The following DMD variants were observed in gnomAD, a reference collection of about 807,000 sequenced individuals.
DMD encodes the protein mutant dystrophin.
In DMD, 63 loss-of-function variants were observed where a neutral mutation model predicts 330.1. That is an observed-to-expected ratio of 0.19 (90% CI 0.16 to 0.24). DMD has a LOEUF of 0.24. Ranked by LOEUF, DMD falls within the 10% of genes least tolerant of loss-of-function variation. DMD has a pLI of 1.00. For missense variants in DMD, 3,344 were observed against 2,684.1 expected (o/e 1.25, Z -5.43); for synonymous variants, 1,223 against 959.8 (o/e 1.27, Z -5.07).
rs556461770 is a variant in DMD, at chrX:32,588,164, C to A, written c.1602+7593G>T. Among the ~76,000 whole-genome samples the A allele has an allele frequency of 8.9e-5, 10 of 112,188 alleles. No individual in the cohort carries two copies. In the South Asian group the frequency reaches 2.9e-3, roughly 33 times the overall value. On this transcript the variant is annotated intron_variant, in intron 13 of 78. Coordinates refer to ENST00000357033, the MANE Select transcript of DMD (RefSeq NM_004006.3). The stretch of plus-strand genomic sequence containing the variant: ...TACTGATTACTTGTATCTGACAATG[C>A]AGGCAAGAATGTGTAAGACACATCT...
intron 55 of DMD, among the ~76,000 whole-genome samples, chrX:31,583,822 T>C (rs1202487052): frequency 2.8e-5 from 3 of 108,413 alleles, no homozygotes; most frequent in African/African-American, 1.0e-4. Context: ...GTTAGTTACA[T>C]ATGTATACAT....
intron 57 of DMD, among the ~76,000 whole-genome samples, chrX:31,487,848 G>C (rs1169540619): frequency 2.7e-5 from 3 of 111,145 alleles, no homozygotes; most frequent in Non-Finnish European, 5.7e-5. Context: ...GAATAAATTT[G>C]ATGTAAAATT....
At chrX:33,239,572 A>T (rs113562174) in intron 1 of DMD, among the ~76,000 whole-genome samples, 1,354 of 112,040 alleles carry the variant, frequency 0.012, 25 homozygotes, top group African/African-American at 0.041. Context: ...CTAAGTTAAA[A>T]AAATCCAGAA....
intron 29 of DMD, among the ~76,000 whole-genome samples, chrX:32,436,166 C>G (rs973401726): frequency 2.2e-4 from 25 of 112,091 alleles, no homozygotes; most frequent in African/African-American, 8.1e-4. Flanking sequence ...TTGAATCCAG[C>G]CTTGGGTTGA....
At chrX:32,998,176 C>A (rs1219815493) in intron 2 of DMD, among the ~76,000 whole-genome samples, 1 of 108,612 alleles carries the variant, frequency 9.2e-6, no homozygotes, top group Non-Finnish European at 1.9e-5. Context: ...GCCTTGGCAA[C>A]ATAGCAAGAC....
At chrX:32,092,403 G>C (rs1366163973) in intron 44 of DMD, among the ~76,000 whole-genome samples, 2 of 111,791 alleles carry the variant, frequency 1.8e-5, no homozygotes, top group Non-Finnish European at 3.8e-5. Context: ...GTACCGCAGA[G>C]AAAAAGATAC....
chrX:33,077,579 T>C (rs1428622438), intron 1 of DMD, among the ~76,000 whole-genome samples: 1 of 111,496 alleles, frequency 9.0e-6, no homozygotes, highest in Admixed American at 9.6e-5. Flanking sequence ...TTGCAACTGT[T>C]TGAGTGGATT....
intron 9 of DMD, among the ~76,000 whole-genome samples, chrX:32,670,101 G>C (rs937613356): frequency 9.0e-6 from 1 of 111,659 alleles, no homozygotes; most frequent in African/African-American, 3.3e-5. Context: ...TACCTGCTAA[G>C]CCAAGATTTA....
intron 9 of DMD, among the ~76,000 whole-genome samples, chrX:32,679,445 C>A (rs1228049231): frequency 1.8e-5 from 2 of 111,117 alleles, no homozygotes; most frequent in African/African-American, 6.5e-5. Context: ...AATTGTCACC[C>A]AACTCTTTCT....
At chrX:31,598,075 G>T (rs2077186621) in intron 55 of DMD, among the ~76,000 whole-genome samples, 1 of 109,209 alleles carries the variant, frequency 9.2e-6, no homozygotes, top group African/African-American at 3.3e-5. Flanking sequence ...TGAAATTAGA[G>T]TTACCTACGC....
chrX:32,774,544 G>C (rs2073953394), intron 7 of DMD, among the ~76,000 whole-genome samples: 1 of 111,217 alleles, frequency 9.0e-6, no homozygotes, highest in South Asian at 3.8e-4. Context: ...TAAAATCATG[G>C]TGAAAGGCAA....
chrX:32,501,696 T>C, intron 19 of DMD, 59 bp downstream of exon 19: 1 of 854,957 alleles, frequency 1.2e-6, no homozygotes, highest in Non-Finnish European at 1.7e-6. Flanking sequence ...CTGATAAATA[T>C]GAACCTATGT....
intron 55 of DMD, among the ~76,000 whole-genome samples, chrX:31,511,154 T>C (rs1322942952): frequency 1.8e-5 from 2 of 109,484 alleles, no homozygotes; most frequent in Non-Finnish European, 3.8e-5. Flanking sequence ...TGGCATGCTG[T>C]AGTGGAGATT....
At chrX:31,966,375 C>A (rs904761106) in intron 45 of DMD, among the ~76,000 whole-genome samples, 8 of 110,577 alleles carry the variant, frequency 7.2e-5, no homozygotes, top group African/African-American at 2.3e-4. Context: ...TACATTTTTA[C>A]ATTTCATAAA....
intron 62 of DMD, among the ~76,000 whole-genome samples, chrX:31,274,166 C>T (rs1320187825): frequency 9.0e-6 from 1 of 111,720 alleles, no homozygotes; most frequent in African/African-American, 3.3e-5. Context: ...CAAAAGGCAC[C>T]TTTCCTCTTT....
At chrX:31,435,903 AG>A (rs1357746986) in intron 60 of DMD, among the ~76,000 whole-genome samples, 1 of 111,802 alleles carries the variant, frequency 8.9e-6, no homozygotes, top group African/African-American at 3.3e-5. Flanking sequence ...GTCAGCCCAG[AG>A]AGACAAGAAC....
At chrX:32,325,288 G>C (rs192723016) in intron 41 of DMD, among the ~76,000 whole-genome samples, 137 of 110,837 alleles carry the variant, frequency 1.2e-3, no homozygotes, top group African/African-American at 4.3e-3. Flanking sequence ...ATCTACCTTT[G>C]TATTAATTGA....
chrX:31,494,747 C>T (rs2069664359), intron 57 of DMD, among the ~76,000 whole-genome samples: 2 of 111,864 alleles, frequency 1.8e-5, no homozygotes, highest in Non-Finnish European at 3.8e-5. Flanking sequence ...GAAACCACAG[C>T]AATTATTTGG....
intron 7 of DMD, among the ~76,000 whole-genome samples, chrX:32,785,041 A>C (rs1178198403): frequency 9.0e-6 from 1 of 110,597 alleles, no homozygotes; most frequent in Non-Finnish European, 1.9e-5. Context: ...TAACTTTAAA[A>C]TGCTTATGTA....
Sources: gnomAD v4.1 joint callset for allele counts (sites outside exome capture counted in the v4.1 genomes callset) on GRCh38, gnomAD v4.1.1 for gene constraint, MANE v1.5 for transcripts, NCBI Gene and HGNC (gene_info 2026-07-23, HGNC 2026-07-21) for gene names.